MRPL43: variants seen among roughly 807,000 people sequenced by gnomAD.
The protein encoded by MRPL43 is mitochondrial ribosomal protein L43.
Under a neutral mutation model 12.7 loss-of-function variants are expected in MRPL43, and 9 were observed. The ratio of observed to expected loss-of-function variants is 0.71; its 90% confidence interval spans 0.43 to 1.24. MRPL43 has a LOEUF of 1.24. MRPL43 is among the 50% of genes most tolerant of loss of function. MRPL43 has a pLI of 0.00. For synonymous variants in MRPL43, 116 were observed against 96.4 expected, an observed-to-expected ratio of 1.20 and a Z score of -1.19; for missense variants, 211 against 229.2, an observed-to-expected ratio of 0.92 and a Z score of 0.51.
downstream of MRPL43, chr10:100,983,963 A>G: frequency 1.4e-6 from 2 of 1,431,574 alleles, no homozygotes; most frequent in South Asian, 1.1e-5. Context: ...GCTTGGTGGC[A>G]CTGCCCAGCC....
At chr10:100,983,667 G>A (rs149914326), downstream of MRPL43, 2,159 of 1,613,468 alleles carry the variant, frequency 1.3e-3, 2 homozygotes, top group Non-Finnish European at 1.7e-3. Context: ...TGCCGCGCTT[G>A]GTGGCCTCTG....
chr10:100,980,636 G>A (rs377379944), downstream of MRPL43: 38 of 1,614,120 alleles, frequency 2.4e-5, no homozygotes, highest in Non-Finnish European at 3.2e-5. Flanking sequence ...TTATTGAAGA[G>A]ACACAAGTGT....
downstream of MRPL43, chr10:100,979,305 G>A (rs1850940449): frequency 1.9e-6 from 3 of 1,614,170 alleles, no homozygotes; most frequent in Non-Finnish European, 1.7e-6. Context: ...GCAAGAAACT[G>A]CGGACAGCAT....
downstream of MRPL43, chr10:100,984,787 C>T (rs1051674712): frequency 8.5e-6 from 13 of 1,535,730 alleles, no homozygotes; most frequent in Admixed American, 2.0e-5. Flanking sequence ...AGCTTGGGAA[C>T]GGGCCAGCCT....
downstream of MRPL43, chr10:100,984,193 G>C: frequency 2.0e-6 from 3 of 1,538,234 alleles, no homozygotes; most frequent in Non-Finnish European, 2.6e-6. Context: ...CTGGGCCACT[G>C]CCTCCCTAAC....
chr10:100,986,904 G>A lies in MRPL43; in HGVS notation c.310C>T (p.Leu104=), dbSNP rs1426822137. 4 of 1,612,112 alleles carry A rather than the reference G, an allele frequency of 2.5e-6. No individual in the cohort carries two copies. In the African/African-American group the frequency reaches 4.0e-5, roughly 16 times the overall value. ...ACGTCCAAGCCCGACTGGTCGGCCA[G>A]CTTCTGCACCAGCGTCGAGATCTCC... ...VEEISTLVQK[L]ADQSGLDVIR... The change falls in exon 3 of 3, where the codon CTG becomes TTG. Residue 104 remains leucine, a synonymous_variant. Coordinates refer to ENST00000318364, the MANE Select transcript of MRPL43 (RefSeq NM_032112.3).
chr10:100,979,235 C>T, downstream of MRPL43: 5 of 1,614,202 alleles, frequency 3.1e-6, no homozygotes, highest in East Asian at 2.2e-5. Flanking sequence ...TCAAGCCGTA[C>T]ACACTTCTAT....
downstream of MRPL43, chr10:100,983,954 C>A (rs765317734): frequency 6.4e-7 from 1 of 1,561,240 alleles, no homozygotes; most frequent in East Asian, 2.5e-5. Context: ...TGACCAATGG[C>A]TTGGTGGCAC....
chr10:100,984,096 C>T (rs1851292761), downstream of MRPL43: 1 of 1,613,120 alleles, frequency 6.2e-7, no homozygotes, highest in African/African-American at 1.3e-5. Flanking sequence ...GAAGCACACG[C>T]AGCTCGTGGA....
chr10:100,985,287 A>T (rs1851386346), downstream of MRPL43: 1 of 175,036 alleles, frequency 5.7e-6, no homozygotes, highest in African/African-American at 2.4e-5. Context: ...GTCCTACCTC[A>T]CCGGGGCACT....
chr10:100,980,419 G>C, downstream of MRPL43: 1 of 1,474,742 alleles, frequency 6.8e-7, no homozygotes, highest in Non-Finnish European at 9.4e-7. Flanking sequence ...TTCCTGCCAT[G>C]ACTAGTCTGG....
downstream of MRPL43, chr10:100,980,038 G>A (rs763924356): frequency 1.7e-5 from 27 of 1,613,716 alleles, no homozygotes; most frequent in South Asian, 2.5e-4. Flanking sequence ...CAGAGCCCAG[G>A]GAAGGGTCAA....
In MRPL43 at chr10:100,987,447, T is replaced by C. The variant is rs1194415713; in HGVS notation, c.-4A>G. 5 of 1,611,772 alleles carry C rather than the reference T, an allele frequency of 3.1e-6. No homozygotes were observed. The African/African-American group carries it at 5.3e-5, about 17-fold the overall frequency. On this transcript the variant is annotated 5_prime_UTR_variant, in exon 1 of 3. Transcript: ENST00000318364. ...TCGGAGTCCCGCGCGCCGTCATAGC[T>C]ACAGCTTGGAGGCCGCGGAGCCTAA...
chr10:100,979,098 C>T, downstream of MRPL43: 1 of 1,613,948 alleles, frequency 6.2e-7, no homozygotes, highest in Admixed American at 1.7e-5. Flanking sequence ...CTCTACCTCC[C>T]CAGGGAGACC....
At chr10:100,979,119 G>T (rs1238045368), downstream of MRPL43, 22 of 1,614,174 alleles carry the variant, frequency 1.4e-5, 1 homozygote, top group East Asian at 3.1e-4. Flanking sequence ...TGGGAGGGAA[G>T]AAGATCCTGC....
At chr10:100,980,530 G>A, downstream of MRPL43, 4 of 1,536,704 alleles carry the variant, frequency 2.6e-6, no homozygotes, top group Non-Finnish European at 3.6e-6. Context: ...AGGGTGCTGA[G>A]AGCAGATCCC....
Position 100,987,478 on chromosome 10 carries a change from G to C in MRPL43, c.-35C>G, listed in dbSNP as rs773749824. 6.2e-7 allele frequency: 1 copy of C among 1,605,982 alleles called. No homozygotes were observed. The highest frequency in any genetic ancestry group is 8.5e-7 in the Non-Finnish European group (1 of 1,176,626). On this transcript the variant is annotated 5_prime_UTR_variant, in exon 1 of 3. Coordinates refer to ENST00000318364, the MANE Select transcript of MRPL43 (RefSeq NM_032112.3). ...TTGGAGGCCGCGGAGCCTAAGCAGC[G>C]AGGAGAGGGGGGCGGGACTAAACCT...
At chr10:100,981,051 C>A (rs1564797798), downstream of MRPL43, 1 of 1,596,390 alleles carries the variant, frequency 6.3e-7, no homozygotes, top group Non-Finnish European at 8.5e-7. Context: ...AGGAGGAAGG[C>A]CTGATAGCTA....
At chr10:100,980,219 G>A (rs199635372), downstream of MRPL43, 33 of 1,614,212 alleles carry the variant, frequency 2.0e-5, no homozygotes, top group Admixed American at 2.2e-4. Context: ...CTGATGGCTC[G>A]GCCCGTTGTG....
Sources: allele counts gnomAD v4.1 joint callset, GRCh38; gene constraint gnomAD v4.1.1; transcripts MANE v1.5; gene names NCBI Gene and HGNC (gene_info 2026-07-23, HGNC 2026-07-21).